KCNQ1: variants seen among roughly 807,000 people sequenced by gnomAD.
KCNQ1 encodes the protein potassium voltage-gated channel subfamily KQT member 1.
Under a neutral mutation model 72.4 loss-of-function variants are expected in KCNQ1, and 49 were observed. The observed-to-expected ratio is 0.68, with a 90% CI of 0.54 to 0.86. The LOEUF (loss-of-function observed/expected upper bound fraction) is 0.86, where lower values mean the gene tolerates loss of function less well. Among genes scored for constraint, KCNQ1 ranks in the 40% least tolerant of loss-of-function variants. The pLI, the probability that KCNQ1 is intolerant of heterozygous loss-of-function variation, is 0.00. For synonymous variants in KCNQ1, 450 were observed against 412.6 expected (o/e 1.09, Z -1.10); for missense variants, 790 against 945.1 (o/e 0.84, Z 2.15).
rs1167958899 is a variant in KCNQ1 at position 2,509,704 on chromosome 11, TGG to T, written c.387-18222_387-18221del. On this transcript the variant is annotated intron_variant, in intron 1 of 15. Transcript: ENST00000155840. This position sits in a 1 kb window ranked among gnomAD's most constrained non-coding sequence, Gnocchi z 6.3. ...TGTTCCTCCTCAGCTGTGAACTGTC[TGG>T]GACTGGGCCAGGAGACAGTCCTGGG... Among the ~76,000 whole-genome samples, 1 of 151,620 alleles carries T rather than the reference TGG, an allele frequency of 6.6e-6. No homozygotes were observed. Among genetic ancestry groups the T allele is most frequent in the African/African-American group, 2.4e-5 (1 of 41,194 alleles).
intron 10 of KCNQ1, chr11:2,636,349 G>A (rs1287703100): frequency 6.6e-6 from 1 of 151,688 alleles, no homozygotes; most frequent in African/African-American, 2.4e-5. Context: ...ATTATTTTGA[G>A]ATACATCCCA....
chr11:2,806,894 G>T (rs1847384028), intron 15 of KCNQ1, among the ~76,000 whole-genome samples: 1 of 152,154 alleles, frequency 6.6e-6, no homozygotes, highest in Non-Finnish European at 1.5e-5. Flanking sequence ...TCCACTCTCA[G>T]GCCAGCCCGA....
Position 2,723,357 on chromosome 11 carries a change from C to T in KCNQ1, c.1515-45487C>T, listed in dbSNP as rs1046649551. Among the ~76,000 whole-genome samples the T allele has an allele frequency of 1.3e-5, 2 of 152,230 alleles. No homozygotes were observed. Among genetic ancestry groups the T allele is most frequent in the African/African-American group, 2.4e-5 (1 of 41,452 alleles). On this transcript the variant is annotated intron_variant, in intron 11 of 15. Transcript: ENST00000155840. This position sits in a 1 kb window ranked among gnomAD's most constrained non-coding sequence, Gnocchi z 4.2. ...GCAACCCTCAAGACTCCTAGCAAGCCCCTCCGTCTCAGAGCCTTGGTGTCC... is the reference window on the plus strand; with the variant it reads ...GCAACCCTCAAGACTCCTAGCAAGCTCCTCCGTCTCAGAGCCTTGGTGTCC...
Position 2,583,485 on chromosome 11 carries a change from C to G in KCNQ1, c.972C>G (p.Val324=). Residue 324 remains valine, a synonymous_variant, in exon 7 of 16, where the codon GTC becomes GTG. Coordinates refer to ENST00000155840, the MANE Select transcript of KCNQ1 (RefSeq NM_000218.3). ...GYGDKVPQTW[V]GKTIASCFSV... Reference sequence around the variant, plus strand: ...GGGACAAGGTGCCCCAGACGTGGGTCGGGAAGACCATCGCCTCCTGCTTCT... The same window carrying G: ...GGGACAAGGTGCCCCAGACGTGGGTGGGGAAGACCATCGCCTCCTGCTTCT... 1 of 1,614,008 alleles carries G rather than the reference C, an allele frequency of 6.2e-7. No homozygotes were observed. The highest frequency in any genetic ancestry group is 8.5e-7 in the Non-Finnish European group (1 of 1,179,944).
At position 2,648,279 on chromosome 11, in the gene KCNQ1, G is replaced by T. The variant is rs79828603; in HGVS notation, c.1394-13682G>T. The T allele has an allele frequency of 8.1e-3, 3,245 of 398,400 alleles. 62 individuals are homozygous for T. The highest frequency in any genetic ancestry group is 0.053 in the African/African-American group (2,574 of 48,674). 24.7% of individuals were successfully genotyped at this position (398,400 alleles called of 1,614,324 possible). A position where few individuals can be genotyped will look rare whatever the true frequency, so the allele number is the denominator to read the frequency against. Reference sequence around the variant, plus strand: ...TTTTATCTCTATTTCATTTAGATCTGCTCTGATCTTTACTATTTATTTCCT... The same window carrying T: ...TTTTATCTCTATTTCATTTAGATCTTCTCTGATCTTTACTATTTATTTCCT... On this transcript the variant is annotated intron_variant, in intron 10 of 15. Coordinates refer to ENST00000155840, the MANE Select transcript of KCNQ1 (RefSeq NM_000218.3).
At chr11:2,836,757 C>T (rs1016227987) in intron 15 of KCNQ1, among the ~76,000 whole-genome samples, 1 of 152,216 alleles carries the variant, frequency 6.6e-6, no homozygotes, top group Non-Finnish European at 1.5e-5. Context: ...TGCTAAACCT[C>T]GCTGACCAGG....
Position 2,651,359 on chromosome 11 carries a change from A to G in KCNQ1, c.1394-10602A>G, listed in dbSNP as rs1849754248. Reference sequence around the variant, plus strand: ...AGCGGCTGAGAGAGCTGGGGTATTTATCTTTCACTAGTGAGTGCTGCCCCG... The same window carrying G: ...AGCGGCTGAGAGAGCTGGGGTATTTGTCTTTCACTAGTGAGTGCTGCCCCG... On this transcript the variant is annotated intron_variant, in intron 10 of 15. Coordinates refer to ENST00000155840, the MANE Select transcript of KCNQ1 (RefSeq NM_000218.3). The surrounding 1 kb of genome is among the most constrained non-coding windows in gnomAD (Gnocchi z 6.1). The G allele has an allele frequency of 5.0e-6, 2 of 398,592 alleles. No homozygotes were observed. The highest frequency in any genetic ancestry group is 1.3e-4 in the South Asian group (1 of 7,854). The allele number at this position is 398,592 out of a possible 1,614,324, so 24.7% of individuals were successfully genotyped here. A position where few individuals can be genotyped will look rare whatever the true frequency, so the allele number is the denominator to read the frequency against.
intron 15 of KCNQ1, among the ~76,000 whole-genome samples, chr11:2,846,706 C>A (rs757852808): frequency 1.3e-5 from 2 of 152,258 alleles, no homozygotes; most frequent in Non-Finnish European, 2.9e-5. Flanking sequence ...GGCTGGATGG[C>A]CACTTCCCAC....
chr11:2,733,863 C>G (rs1312829433), intron 11 of KCNQ1, among the ~76,000 whole-genome samples: 2 of 105,408 alleles, frequency 1.9e-5, no homozygotes, highest in African/African-American at 8.4e-5. Context: ...CTCTCCCCCC[C>G]CACTTCAGGG....
chr11:2,670,969 C>T lies in KCNQ1; in HGVS notation c.1514+8888C>T, dbSNP rs1025927192. On this transcript the variant is annotated intron_variant, in intron 11 of 15. Coordinates refer to ENST00000155840, the MANE Select transcript of KCNQ1 (RefSeq NM_000218.3). This position sits in a 1 kb window ranked among gnomAD's most constrained non-coding sequence, Gnocchi z 4.9. ...CATGCCTTCTTATGGTGCCCCAGAG[C>T]CCCTGGCTAGGCATTCATGCTTTAG... The T allele has an allele frequency of 1.4e-4, 57 of 398,510 alleles. No individual in the cohort carries two copies. The highest frequency in any genetic ancestry group is 2.6e-4 in the Admixed American group (6 of 22,718). 24.7% of individuals were successfully genotyped at this position (398,510 alleles called of 1,614,324 possible).
At chr11:2,519,434 G>A (rs911134295) in intron 1 of KCNQ1, among the ~76,000 whole-genome samples, 2 of 152,222 alleles carry the variant, frequency 1.3e-5, no homozygotes, top group African/African-American at 4.8e-5. Context: ...TCTGAGCTTT[G>A]AGTACATTTT....
At chr11:2,521,205 C>T (rs1847376311) in intron 1 of KCNQ1, among the ~76,000 whole-genome samples, 1 of 152,150 alleles carries the variant, frequency 6.6e-6, no homozygotes, top group South Asian at 2.1e-4. Flanking sequence ...ATTCTGCACC[C>T]ATGAAATCCC....
Position 2,515,984 on chromosome 11 carries a change from G to A in KCNQ1, c.387-11944G>A, listed in dbSNP as rs1847281906. Among the ~76,000 whole-genome samples the A allele has an allele frequency of 6.6e-6, 1 of 151,922 alleles. No individual in the cohort carries two copies. Among genetic ancestry groups the A allele is most frequent in the Non-Finnish European group, 1.5e-5 (1 of 67,970 alleles). ...CTGCAGTGACAGCCCAGACCCCAGG[G>A]GCCGGGCATCCCACAGCTCTCCTCA... is the stretch of plus-strand genomic sequence containing the variant. On this transcript the variant is annotated intron_variant, in intron 1 of 15. Coordinates refer to ENST00000155840, the MANE Select transcript of KCNQ1 (RefSeq NM_000218.3). This position sits in a 1 kb window ranked among gnomAD's most constrained non-coding sequence, Gnocchi z 4.7.
chr11:2,531,454 G>T (rs1201473445), intron 2 of KCNQ1, among the ~76,000 whole-genome samples: 1 of 152,082 alleles, frequency 6.6e-6, no homozygotes, highest in African/African-American at 2.4e-5. Flanking sequence ...CCAGGCAGGA[G>T]GGCAGACCCT....
At position 2,826,315 on chromosome 11, in the gene KCNQ1, G is replaced by T. The variant is rs1314604078; in HGVS notation, c.1795-21452G>T. Among the ~76,000 whole-genome samples the T allele has an allele frequency of 2.6e-5, 4 of 152,364 alleles. No individual in the cohort carries two copies. In the South Asian group the frequency reaches 8.3e-4, roughly 32 times the overall value. On this transcript the variant is annotated intron_variant, in intron 15 of 15. Coordinates refer to ENST00000155840, the MANE Select transcript of KCNQ1 (RefSeq NM_000218.3). The surrounding 1 kb of genome is among the most constrained non-coding windows in gnomAD (Gnocchi z 4.2). ...CCGGGGTTGGGGGCGGGGAGGGCAG[G>T]TTAACCCTTCGGGCTCCAGTATTCC...
Position 2,621,159 on chromosome 11 carries a change from G to A in KCNQ1, c.1393+32305G>A, listed in dbSNP as rs1321012584. ...TACCTGGCTAATTTTTGTGTTTTTA[G>A]TAGAGACGGGGTTTCACCATGTTGG... On this transcript the variant is annotated intron_variant, in intron 10 of 15. Transcript: ENST00000155840. The surrounding 1 kb of genome is among the most constrained non-coding windows in gnomAD (Gnocchi z 5.7). 2 of 397,162 alleles carry A rather than the reference G, an allele frequency of 5.0e-6. No individual in the cohort carries two copies. The highest frequency in any genetic ancestry group is 6.2e-4 in the Middle Eastern group (1 of 1,604). 24.6% of individuals were successfully genotyped at this position (397,162 alleles called of 1,614,324 possible). A position where few individuals can be genotyped will look rare whatever the true frequency, so the allele number is the denominator to read the frequency against.
rs1055323802 is a variant in KCNQ1, at chr11:2,548,322, T to C, written c.477+20304T>C. ...TGCTGCTTCCCTTGGATTTTGTTTC[T>C]CAAAGTCTGAATCAAGCGTGGCAGA... On this transcript the variant is annotated intron_variant, in intron 2 of 15. Transcript: ENST00000155840. 5.9e-5 allele frequency among the ~76,000 whole-genome samples: 9 copies of C among 152,296 alleles called. No homozygotes were observed. The East Asian group carries it at 1.7e-3, about 29-fold the overall frequency.
rs1847540065 is a variant in KCNQ1, at chr11:2,813,655, CTATTTT to C, written c.1795-34109_1795-34104del. On this transcript the variant is annotated intron_variant, in intron 15 of 15. Transcript: ENST00000155840. The surrounding 1 kb of genome is among the most constrained non-coding windows in gnomAD (Gnocchi z 4.4). The stretch of plus-strand genomic sequence containing the variant: ...GACCAACATCTCGGCTGATCCTGGT[CTATTTT>C]TAGTCGGTGGTGGGCTGTCACTCCG... 6.6e-6 allele frequency among the ~76,000 whole-genome samples: 1 copy of C among 152,036 alleles called. No homozygotes were observed. Among genetic ancestry groups the C allele is most frequent in the Admixed American group, 6.6e-5 (1 of 15,256 alleles).
chr11:2,555,304 TC>T (rs1848053291), intron 2 of KCNQ1, among the ~76,000 whole-genome samples: 1 of 152,090 alleles, frequency 6.6e-6, no homozygotes, highest in Non-Finnish European at 1.5e-5. Context: ...CACCCCCTTT[TC>T]CCCCTATCCC....
Sources: allele counts gnomAD v4.1 joint callset (sites outside exome capture counted in the v4.1 genomes callset), GRCh38; gene constraint gnomAD v4.1.1; non-coding constraint Gnocchi (gnomAD v3.1); transcripts MANE v1.5; gene names NCBI Gene and HGNC (gene_info 2026-07-23, HGNC 2026-07-21).